Variants in SDK1 observed in about 807,000 individuals in gnomAD.
SDK1 encodes sidekick cell adhesion molecule 1.
A neutral mutation model predicts 245.5 loss-of-function variants in SDK1; 157 were observed. The observed-to-expected ratio is 0.64, with a 90% CI of 0.56 to 0.73. The LOEUF is 0.73. Ranked by LOEUF, SDK1 falls within the 30% of genes least tolerant of loss-of-function variation. The pLI, the probability that SDK1 is intolerant of heterozygous loss-of-function variation, is 0.00. For synonymous variants in SDK1, 1,647 were observed against 1,278.5 expected (o/e 1.29, Z -6.15); for missense variants, 3,583 against 3,002.3 (o/e 1.19, Z -4.52).
At chr7:4,055,752 C>T (rs1217747723) in intron 19 of SDK1, among the ~76,000 whole-genome samples, 4 of 151,978 alleles carry the variant, frequency 2.6e-5, no homozygotes, top group African/African-American at 9.7e-5. Flanking sequence ...TCCTTGTTTC[C>T]AGTGTGAGCG....
chr7:4,194,448 A>G (rs1201045516), intron 35 of SDK1, among the ~76,000 whole-genome samples: 4 of 103,674 alleles, frequency 3.9e-5, no homozygotes, highest in Admixed American at 3.5e-4. Context: ...ATATATGTAT[A>G]CATGTATATA....
At chr7:3,461,058 GT>G (rs570887763) in intron 1 of SDK1, among the ~76,000 whole-genome samples, 1 of 152,150 alleles carries the variant, frequency 6.6e-6, no homozygotes, top group Non-Finnish European at 1.5e-5. Context: ...ACATTTTCGT[GT>G]TTTTGAGGGC....
chr7:4,011,969 C>G, intron 15 of SDK1, 126 bp from the exon 16 acceptor site: 9 of 775,550 alleles, frequency 1.2e-5, no homozygotes, highest in Non-Finnish European at 1.5e-5. Flanking sequence ...GTGTGTTTTG[C>G]TTTTCCTGAA....
intron 5 of SDK1, among the ~76,000 whole-genome samples, chr7:3,857,956 G>C (rs1780587524): frequency 6.6e-6 from 1 of 152,182 alleles, no homozygotes; most frequent in African/African-American, 2.4e-5. Flanking sequence ...AACAAATAGT[G>C]TGATATACCA....
intron 1 of SDK1, among the ~76,000 whole-genome samples, chr7:3,411,066 A>T (rs935413426): frequency 2.6e-5 from 4 of 152,134 alleles, no homozygotes; most frequent in African/African-American, 9.7e-5. Flanking sequence ...TGTAATGAAA[A>T]TCATCATTAT....
intron 40 of SDK1, among the ~76,000 whole-genome samples, chr7:4,231,846 C>T (rs1008469699): frequency 1.3e-5 from 2 of 152,050 alleles, no homozygotes; most frequent in African/African-American, 2.4e-5. Context: ...CTGGTGATTC[C>T]GGGTGGGTGA....
chr7:3,387,312 C>G (rs982491991), intron 1 of SDK1, among the ~76,000 whole-genome samples: 1 of 152,148 alleles, frequency 6.6e-6, no homozygotes, highest in Admixed American at 6.6e-5. Flanking sequence ...CCACCAACCC[C>G]TGAATTCCTT....
chr7:4,250,893 C>G (rs1787249492), intron 44 of SDK1, among the ~76,000 whole-genome samples: 1 of 152,138 alleles, frequency 6.6e-6, no homozygotes, highest in Non-Finnish European at 1.5e-5. Flanking sequence ...AATTTTGGAA[C>G]TTTTTCATCG....
Position 3,615,160 on chromosome 7 carries a change from G to C in SDK1, c.299-3920G>C, listed in dbSNP as rs146900667. 3.8e-3 allele frequency among the ~76,000 whole-genome samples: 571 copies of C among 151,650 alleles called. 25 individuals carry two copies. The highest frequency in any genetic ancestry group is 0.035 in the Admixed American group (534 of 15,174). On this transcript the variant is annotated intron_variant, in intron 1 of 44. Coordinates refer to ENST00000404826, the MANE Select transcript of SDK1 (RefSeq NM_152744.4). ...ATGTTTTCTATGACTCATTCGTGTAGGACACTGGAACCATATGAAGTGGCA... is the reference window on the plus strand; with the variant it reads ...ATGTTTTCTATGACTCATTCGTGTACGACACTGGAACCATATGAAGTGGCA...
At chr7:3,386,288 T>TA (rs904260599) in intron 1 of SDK1, among the ~76,000 whole-genome samples, 1 of 152,236 alleles carries the variant, frequency 6.6e-6, no homozygotes, top group Non-Finnish European at 1.5e-5. Context: ...GGTTTGGTGA[T>TA]ACTTTTAATA....
intron 4 of SDK1, among the ~76,000 whole-genome samples, chr7:3,688,213 C>T (rs998096645): frequency 6.6e-6 from 1 of 152,146 alleles, no homozygotes; most frequent in Non-Finnish European, 1.5e-5. Context: ...TAAAGTGTTT[C>T]TTAGGAGTGT....
At chr7:4,260,275 C>A (rs1292749418) in intron 44 of SDK1, among the ~76,000 whole-genome samples, 2 of 119,002 alleles carry the variant, frequency 1.7e-5, no homozygotes, top group Non-Finnish European at 3.4e-5. Flanking sequence ...TGCTCCAGGG[C>A]CTCGGTGTGT....
chr7:3,484,990 C>G (rs538292959), intron 1 of SDK1, among the ~76,000 whole-genome samples: 1 of 152,274 alleles, frequency 6.6e-6, no homozygotes, highest in East Asian at 1.9e-4. Flanking sequence ...GTTTGATAGA[C>G]TAATTTCCTT....
intron 4 of SDK1, among the ~76,000 whole-genome samples, chr7:3,812,733 C>G (rs1328785973): frequency 2.0e-5 from 3 of 152,192 alleles, no homozygotes; most frequent in African/African-American, 4.8e-5. Flanking sequence ...ATAACTTACC[C>G]TTTCCTGAAG....
At position 3,987,062 on chromosome 7, in the gene SDK1, C is replaced by CACAA. The variant is rs1318138842; in HGVS notation, c.1995-123_1995-122insCAAA. On this transcript the variant is annotated intron_variant, in intron 13 of 44. Coordinates refer to ENST00000404826, the MANE Select transcript of SDK1 (RefSeq NM_152744.4). Reference sequence around the variant, plus strand: ...AAGAGAGTTAATATTTGTGTTTGGGCATATTTTATGTTATTCATTTCCCAA... The same window carrying CACAA: ...AAGAGAGTTAATATTTGTGTTTGGGCACAAATATTTTATGTTATTCATTTCCCAA... 4 of 895,628 alleles carry CACAA rather than the reference C, an allele frequency of 4.5e-6. No homozygotes were observed. The African/African-American group carries it at 6.7e-5, about 15-fold the overall frequency. 55.5% of individuals were successfully genotyped at this position (895,628 alleles called of 1,614,324 possible). A position where few individuals can be genotyped will look rare whatever the true frequency, so the allele number is the denominator to read the frequency against.
At chr7:3,646,717 A>T (rs989093449) in intron 4 of SDK1, among the ~76,000 whole-genome samples, 10 of 152,206 alleles carry the variant, frequency 6.6e-5, no homozygotes, top group Non-Finnish European at 1.3e-4. Context: ...TTAGAAGACC[A>T]GCTTTCAACT....
At chr7:3,769,287 G>C (rs529272661) in intron 4 of SDK1, among the ~76,000 whole-genome samples, 14 of 152,132 alleles carry the variant, frequency 9.2e-5, no homozygotes, top group Non-Finnish European at 1.8e-4. Flanking sequence ...AAGATCAAGG[G>C]TCTGCATTTG....
chr7:3,639,005 T>C lies in SDK1; in HGVS notation c.460T>C (p.Tyr154His). 6.3e-7 allele frequency: 1 copy of C among 1,590,298 alleles called. No homozygotes were observed. Among genetic ancestry groups the C allele is most frequent in the Non-Finnish European group, 8.6e-7 (1 of 1,161,940 alleles). ...ACACTTCTTTTTGCTATTCAACAGG[T>C]ACATTATTCCATCTTTGCAGAAGCT... The part of the protein sequence containing the change: ...ELTTYSSEYK[Y>H]IIPSLQKLDA... Residue 154 changes from tyrosine (Y) to histidine (H), a missense_variant and splice_region_variant, in exon 3 of 45, where the codon TAC becomes CAC. By Grantham distance (83) the Tyr-to-His change is moderately conservative (BLOSUM62 2). Transcript: ENST00000404826.
At chr7:4,203,321 G>A (rs1584435808) in intron 35 of SDK1, among the ~76,000 whole-genome samples, 1 of 152,196 alleles carries the variant, frequency 6.6e-6, no homozygotes, top group East Asian at 1.9e-4. Context: ...GGCCGCAGAG[G>A]CCCCCTGGCG....
Sources: gnomAD v4.1 joint callset for allele counts (sites outside exome capture counted in the v4.1 genomes callset) on GRCh38, gnomAD v4.1.1 for gene constraint, MANE v1.5 for transcripts, NCBI Gene and HGNC (gene_info 2026-07-23, HGNC 2026-07-21) for gene names.